APC: variants seen among roughly 807,000 people sequenced by gnomAD.
APC encodes the protein APC regulator of Wnt signaling pathway.
A neutral mutation model predicts 247.0 loss-of-function variants in APC; 72 were observed. The ratio of observed to expected loss-of-function variants is 0.29; its 90% CI spans 0.24 to 0.35. The LOEUF is 0.35. Among genes scored for constraint, APC ranks in the 10% least tolerant of loss-of-function variants. The pLI is 1.00. For missense variants in APC, 3,400 were observed against 3,360.7 expected, an observed-to-expected ratio of 1.01 and a Z score of -0.29; for synonymous variants, 1,254 against 1,162.5, an observed-to-expected ratio of 1.08 and a Z score of -1.60.
chr5:112,755,155 GC>G, intron 2 of APC, 130 bp downstream of exon 2: 1 of 1,269,046 alleles, frequency 7.9e-7, no homozygotes, highest in Admixed American at 2.6e-5. Context: ...ACTCTTTCTT[GC>G]AAAAGTTAGC....
chr5:112,785,445 G>A lies in APC; in HGVS notation c.645+4542G>A, dbSNP rs1000508378. 2.0e-5 allele frequency among the ~76,000 whole-genome samples: 3 copies of A among 152,112 alleles called. No homozygotes were observed. In the East Asian group the frequency reaches 5.8e-4, roughly 29 times the overall value. On this transcript the variant is annotated intron_variant, in intron 6 of 15. Coordinates refer to ENST00000257430, the MANE Select transcript of APC (RefSeq NM_000038.6). ...GGAAACTTTAAAGTAACTAGAAAAA[G>A]CCTGCATAAAGAAAAACATAAAATT... is the stretch of plus-strand genomic sequence containing the variant.
intron 1 of APC, among the ~76,000 whole-genome samples, chr5:112,747,301 G>A (rs529049251): frequency 1.3e-5 from 2 of 152,226 alleles, no homozygotes; most frequent in East Asian, 3.9e-4. Flanking sequence ...GATATAGTAA[G>A]ACTTAGTATG....
At chr5:112,717,801 A>G (rs1344392049) in intron 1 of APC, among the ~76,000 whole-genome samples, 1 of 151,208 alleles carries the variant, frequency 6.6e-6, no homozygotes, top group African/African-American at 2.4e-5. Flanking sequence ...TATTTTTTCA[A>G]ATATTGTCTT....
intron 8 of APC, among the ~76,000 whole-genome samples, chr5:112,809,438 G>T (rs921751852): frequency 6.6e-6 from 1 of 151,958 alleles, no homozygotes; most frequent in Non-Finnish European, 1.5e-5. Flanking sequence ...GGTAATTAAA[G>T]GTATTAAAGA....
At chr5:112,769,957 G>A (rs1005527057) in intron 4 of APC, among the ~76,000 whole-genome samples, 1 of 152,106 alleles carries the variant, frequency 6.6e-6, no homozygotes, top group African/African-American at 2.4e-5. Flanking sequence ...AATAAGGAGT[G>A]AACTTGGGTC....
chr5:112,787,994 T>TCATA (rs1580407018), intron 6 of APC, among the ~76,000 whole-genome samples: 1 of 152,168 alleles, frequency 6.6e-6, no homozygotes, highest in Admixed American at 6.5e-5. Context: ...TTATGTATAG[T>TCATA]CATACATACA....
intron 14 of APC, 195 bp downstream of exon 14, chr5:112,829,167 C>G (rs1251484718): frequency 2.1e-6 from 1 of 478,296 alleles, no homozygotes; most frequent in African/African-American, 2.0e-5. Context: ...GAGATGGGGT[C>G]TCTTTCTCTC....
At chr5:112,735,430 G>A (rs546383621), upstream of APC, among the ~76,000 whole-genome samples, 2 of 151,708 alleles carry the variant, frequency 1.3e-5, no homozygotes, top group South Asian at 2.1e-4. Flanking sequence ...TGGCCACCTC[G>A]GCCTCCCAAA....
chr5:112,824,763 C>T (rs981441725), intron 11 of APC, among the ~76,000 whole-genome samples: 2 of 32,212 alleles, frequency 6.2e-5, no homozygotes, highest in East Asian at 0.012. Flanking sequence ...TATACCAGGC[C>T]AAGTCTTAAG....
upstream of APC, among the ~76,000 whole-genome samples, chr5:112,734,058 C>G (rs960229808): frequency 6.6e-6 from 1 of 152,176 alleles, no homozygotes; most frequent in Non-Finnish European, 1.5e-5. Flanking sequence ...TCCTGTGTGG[C>G]TGCTCACGTC....
chr5:112,795,230 A>G (rs369870283), intron 7 of APC, among the ~76,000 whole-genome samples: 36 of 151,998 alleles, frequency 2.4e-4, no homozygotes, highest in African/African-American at 7.0e-4. Flanking sequence ...GTTTCACCAT[A>G]TTGGCCAGGC....
At chr5:112,788,396 G>A (rs1355524912) in intron 6 of APC, among the ~76,000 whole-genome samples, 1 of 152,076 alleles carries the variant, frequency 6.6e-6, no homozygotes, top group Non-Finnish European at 1.5e-5. Context: ...TTGGTTGAAA[G>A]GATGGACTCT....
intron 6 of APC, among the ~76,000 whole-genome samples, chr5:112,791,472 A>C (rs964236944): frequency 2.0e-5 from 3 of 152,116 alleles, no homozygotes; most frequent in African/African-American, 7.2e-5. Flanking sequence ...TGCCACCATC[A>C]GTGGCTGCAT....
chr5:112,725,996 C>G (rs1322000873), intron 1 of APC, among the ~76,000 whole-genome samples: 1 of 152,162 alleles, frequency 6.6e-6, no homozygotes, highest in Non-Finnish European at 1.5e-5. Flanking sequence ...GGATGTGCAA[C>G]AGGGGAGTGG....
chr5:112,770,458 C>T (rs148777697), intron 4 of APC, among the ~76,000 whole-genome samples: 153 of 152,094 alleles, frequency 1.0e-3, no homozygotes, highest in African/African-American at 3.7e-3. Flanking sequence ...GTAGAAAAGA[C>T]GTCTTGTTTT....
Position 112,839,584 on chromosome 5 carries a change from T to A in APC, c.3990T>A (p.Pro1330=), listed in dbSNP as rs758667746. Residue 1330 remains proline, a synonymous_variant, in exon 16 of 16, where the codon CCT becomes CCA. Coordinates refer to ENST00000257430, the MANE Select transcript of APC (RefSeq NM_000038.6). This position sits in a 1 kb window ranked among gnomAD's most constrained non-coding sequence, Gnocchi z 5.0. ...VSEVPAVSQH[P]RTKSSRLQGS... is the part of the protein sequence containing the mutation. ...AAGTTCCAGCAGTGTCACAGCACCC[T>A]AGAACCAAATCCAGCAGACTGCAGG... 4.3e-6 allele frequency: 7 copies of A among 1,614,182 alleles called. No individual in the cohort carries two copies. In the South Asian group the frequency reaches 4.4e-5, roughly 10 times the overall value.
rs948080320 is a variant in APC at position 112,707,592 on chromosome 5, G to A, written c.-126G>A. Reference sequence around the variant, plus strand: ...GGAAGCCTAGCCGCTGCTCGGGGGGGACCTGCGGGCTCAGGCCCGGGAGCT... The same window carrying A: ...GGAAGCCTAGCCGCTGCTCGGGGGGAACCTGCGGGCTCAGGCCCGGGAGCT... On this transcript the variant is annotated 5_prime_UTR_variant, in exon 1 of 14. Coordinates refer to the APC transcript ENST00000507379. 53 of 1,003,750 alleles carry A rather than the reference G, an allele frequency of 5.3e-5. No homozygotes were observed. The highest frequency in any genetic ancestry group is 6.6e-5 in the Non-Finnish European group (48 of 724,322). The allele number at this position is 1,003,750 out of a possible 1,614,324, so 62.2% of individuals were successfully genotyped here.
At chr5:112,710,793 G>T (rs1750805389) in intron 1 of APC, among the ~76,000 whole-genome samples, 1 of 152,168 alleles carries the variant, frequency 6.6e-6, no homozygotes, top group Admixed American at 6.5e-5. Context: ...GTAACTGTGG[G>T]TATGTTACTA....
At chr5:112,778,087 C>A in intron 5 of APC, 1 of 208,062 alleles carries the variant, frequency 4.8e-6, no homozygotes. Context: ...CAGTCTAGTA[C>A]ATTTTCCATC....
Sources: allele counts gnomAD v4.1 joint callset (sites outside exome capture counted in the v4.1 genomes callset), GRCh38; gene constraint gnomAD v4.1.1; non-coding constraint Gnocchi (gnomAD v3.1); transcripts MANE v1.5; gene names NCBI Gene and HGNC (gene_info 2026-07-23, HGNC 2026-07-21).